The following MAP3K2 variants were observed in gnomAD, a reference collection of about 807,000 sequenced individuals.
MAP3K2 encodes MAP/ERK kinase kinase 2.
A neutral mutation model predicts 80.3 loss-of-function variants in MAP3K2; 24 were observed. The ratio of observed to expected loss-of-function variants is 0.30; its 90% confidence interval spans 0.22 to 0.42. MAP3K2 has a LOEUF of 0.42. Ranked by LOEUF, MAP3K2 falls within the 10% of genes least tolerant of loss-of-function variation. The probability of loss-of-function intolerance (pLI) is 1.00; values close to 1 mark genes in which losing one functional copy is unlikely to be tolerated. For synonymous variants in MAP3K2, 244 were observed against 253.7 expected, an observed-to-expected ratio of 0.96 and a Z score of 0.36; for missense variants, 608 against 750.1, an observed-to-expected ratio of 0.81 and a Z score of 2.21.
chr2:127,337,799 A>T lies in MAP3K2; in HGVS notation c.124-21T>A, dbSNP rs777883891. The T allele has an allele frequency of 2.8e-6, 4 of 1,433,404 alleles. No homozygotes were observed. The African/African-American group carries it at 5.7e-5, about 20-fold the overall frequency. The allele number at this position is 1,433,404 out of a possible 1,614,324, so 88.8% of individuals were successfully genotyped here. On this transcript the variant is annotated intron_variant, in intron 3 of 16. Coordinates refer to ENST00000682094, the MANE Select transcript of MAP3K2 (RefSeq NM_001371910.2). ...TCATTCTGTAATGAAATGACAAATC[A>T]GTCTTTCAGAGATTAGACAGATCAT...
intron 1 of MAP3K2, among the ~76,000 whole-genome samples, chr2:127,346,947 C>T (rs1686606006): frequency 6.6e-6 from 1 of 152,008 alleles, no homozygotes; most frequent in Non-Finnish European, 1.5e-5. Flanking sequence ...AGAGATCATG[C>T]TGCACTGTAC....
rs188251722 is a variant in MAP3K2 at position 127,302,122 on chromosome 2, A to C, written c.*5457T>G. 1.4e-4 allele frequency: 22 copies of C among 152,358 alleles called. No individual in the cohort carries two copies. The highest frequency in any genetic ancestry group is 9.2e-4 in the Admixed American group (14 of 15,300). The allele number at this position is 152,358 out of a possible 1,614,324, so 9.4% of individuals were successfully genotyped here. On this transcript the variant is annotated 3_prime_UTR_variant, in exon 17 of 17. Coordinates refer to ENST00000682094, the MANE Select transcript of MAP3K2 (RefSeq NM_001371910.2). Reference sequence around the variant, plus strand: ...GTTTGGCAGAATTTCAGTTCCAAAAAGTTCAGGAAGAACTATGTAAAATCA... The same window carrying C: ...GTTTGGCAGAATTTCAGTTCCAAAACGTTCAGGAAGAACTATGTAAAATCA...
At chr2:127,353,195 G>A (rs547028087) in intron 1 of MAP3K2, among the ~76,000 whole-genome samples, 2,020 of 150,878 alleles carry the variant, frequency 0.013, 52 homozygotes, top group African/African-American at 0.046. Flanking sequence ...CTGCCTGGCT[G>A]CCCAGTCTGG....
At chr2:127,308,527 C>T (rs1685751742) in intron 16 of MAP3K2, 58 bp downstream of exon 16, 1 of 1,426,276 alleles carries the variant, frequency 7.0e-7, no homozygotes, top group Non-Finnish European at 9.4e-7. Flanking sequence ...AATTCAATCC[C>T]AGGTGGAAAT....
chr2:127,378,042 A>T, intron 1 of MAP3K2: 2 of 257,456 alleles, frequency 7.8e-6, no homozygotes, highest in Non-Finnish European at 1.2e-5. Flanking sequence ...AATAGATACT[A>T]GAGGGAATAA....
intron 1 of MAP3K2, among the ~76,000 whole-genome samples, chr2:127,381,426 C>CA (rs1395106600): frequency 2.6e-5 from 4 of 152,138 alleles, no homozygotes; most frequent in Non-Finnish European, 5.9e-5. Context: ...AAATTCGTAA[C>CA]AAACGATACT....
At chr2:127,368,478 C>T (rs59378658) in intron 1 of MAP3K2, among the ~76,000 whole-genome samples, 5 of 151,764 alleles carry the variant, frequency 3.3e-5, no homozygotes, top group East Asian at 1.9e-4. Flanking sequence ...AAAAATTAGC[C>T]GGGTGTGGTG....
intron 1 of MAP3K2, among the ~76,000 whole-genome samples, chr2:127,377,321 TA>T (rs144012842): frequency 0.012 from 1,818 of 150,838 alleles, 38 homozygotes; most frequent in African/African-American, 0.042. Context: ...TTAGCAATTA[TA>T]AAAAAATGTG....
At chr2:127,360,442 A>C (rs1347369888) in intron 1 of MAP3K2, among the ~76,000 whole-genome samples, 1 of 152,214 alleles carries the variant, frequency 6.6e-6, no homozygotes. Flanking sequence ...CGAATTACAA[A>C]AGAGCCTGAA....
At chr2:127,370,679 G>A (rs948959329) in intron 1 of MAP3K2, among the ~76,000 whole-genome samples, 1 of 152,210 alleles carries the variant, frequency 6.6e-6, no homozygotes, top group African/African-American at 2.4e-5. Context: ...TAGCCATAGA[G>A]CTCTAGGAAC....
At chr2:127,373,103 T>G (rs1228708941) in intron 1 of MAP3K2, among the ~76,000 whole-genome samples, 1 of 152,310 alleles carries the variant, frequency 6.6e-6, no homozygotes, top group Admixed American at 6.5e-5. Flanking sequence ...AGCTCCCTGA[T>G]TCCAATGGAA....
chr2:127,344,444 G>GT (rs1474300582), intron 1 of MAP3K2, among the ~76,000 whole-genome samples: 1 of 149,484 alleles, frequency 6.7e-6, no homozygotes, highest in Non-Finnish European at 1.5e-5. Flanking sequence ...GAGCCCAGGA[G>GT]TTTGAGACCA....
chr2:127,384,813 A>G lies in MAP3K2; in HGVS notation c.-66+2639T>C, dbSNP rs574133622. On this transcript the variant is annotated intron_variant, in intron 1 of 16. Coordinates refer to ENST00000682094, the MANE Select transcript of MAP3K2 (RefSeq NM_001371910.2). ...AAATCACCACAACCGGCTAACCTCT[A>G]TATTTTTTTAATGGGATTTTGCCAT... Among the ~76,000 whole-genome samples the G allele has an allele frequency of 7.2e-5, 11 of 151,888 alleles. No individual in the cohort carries two copies. In the South Asian group the frequency reaches 1.9e-3, roughly 26 times the overall value.
intron 1 of MAP3K2, among the ~76,000 whole-genome samples, chr2:127,367,028 A>G (rs185361120): frequency 6.6e-6 from 1 of 151,456 alleles, no homozygotes; most frequent in African/African-American, 2.4e-5. Context: ...GCACCACCAC[A>G]CTCGGCTAAT....
At chr2:127,375,807 T>C (rs757078345) in intron 1 of MAP3K2, among the ~76,000 whole-genome samples, 2 of 152,192 alleles carry the variant, frequency 1.3e-5, no homozygotes, top group Non-Finnish European at 2.9e-5. Context: ...ACAACGTGAC[T>C]GCTTGGCTGA....
rs190116722 is a variant in MAP3K2 at position 127,305,879 on chromosome 2, G to A, written c.*1700C>T. ...ATTGGATACATTGTACTAGAAATAC[G>A]TGGCAGCTTTTTAACCTTCCCATTA... On this transcript the variant is annotated 3_prime_UTR_variant, in exon 17 of 17. Coordinates refer to ENST00000682094, the MANE Select transcript of MAP3K2 (RefSeq NM_001371910.2). 126 of 151,228 alleles carry A rather than the reference G, an allele frequency of 8.3e-4. No homozygotes were observed. Among genetic ancestry groups the A allele is most frequent in the African/African-American group, 2.9e-3 (120 of 41,226 alleles). 9.4% of individuals were successfully genotyped at this position (151,228 alleles called of 1,614,324 possible).
At chr2:127,319,167 A>G (rs1347641435) in intron 12 of MAP3K2, among the ~76,000 whole-genome samples, 3 of 150,854 alleles carry the variant, frequency 2.0e-5, no homozygotes, top group Admixed American at 6.6e-5. Context: ...CAGCCGCTGG[A>G]GAAAGCAGCA....
chr2:127,387,727 G>T lies in MAP3K2; in HGVS notation c.-341C>A. On this transcript the variant is annotated 5_prime_UTR_variant, in exon 1 of 17. Transcript: ENST00000682094. ...CTGGCGCTCCTCGGCACTTCTAGCCGCTGCAACCCCGAGGCCCGCGGGAAC... is the reference window on the plus strand; with the variant it reads ...CTGGCGCTCCTCGGCACTTCTAGCCTCTGCAACCCCGAGGCCCGCGGGAAC... 1.0e-6 allele frequency: 1 copy of T among 985,146 alleles called. No homozygotes were observed. The highest frequency in any genetic ancestry group is 5.2e-4 in the Middle Eastern group (1 of 1,912). The allele number at this position is 985,146 out of a possible 1,614,324, so 61.0% of individuals were successfully genotyped here.
At chr2:127,367,243 A>G (rs1028835502) in intron 1 of MAP3K2, among the ~76,000 whole-genome samples, 1 of 152,188 alleles carries the variant, frequency 6.6e-6, no homozygotes, top group Non-Finnish European at 1.5e-5. Context: ...TCTAAGGCTG[A>G]GCAACCCTCT....
Sources: allele counts gnomAD v4.1 joint callset (sites outside exome capture counted in the v4.1 genomes callset), GRCh38; gene constraint gnomAD v4.1.1; transcripts MANE v1.5; gene names NCBI Gene and HGNC (gene_info 2026-07-23, HGNC 2026-07-21).